Variants in DLGAP2 observed in about 807,000 individuals in gnomAD.
The protein encoded by DLGAP2 is disks large-associated protein 2.
Under a neutral mutation model 100.3 loss-of-function variants are expected in DLGAP2, and 26 were observed. The ratio of observed to expected loss-of-function variants is 0.26; its 90% confidence interval spans 0.19 to 0.36. The LOEUF is 0.36. DLGAP2 is among the 10% of genes least tolerant of loss of function. The probability of loss-of-function intolerance (pLI) is 1.00; values close to 1 mark genes in which losing one functional copy is unlikely to be tolerated. For synonymous variants in DLGAP2, 886 were observed against 630.1 expected (o/e 1.41, Z -6.08); for missense variants, 1,858 against 1,453.2 (o/e 1.28, Z -4.53).
intron 2 of DLGAP2, among the ~76,000 whole-genome samples, chr8:941,048 G>A (rs1329014250): frequency 6.6e-6 from 1 of 152,164 alleles, no homozygotes; most frequent in Non-Finnish European, 1.5e-5. Context: ...CCAGAAGCAC[G>A]GTACAGAGCT....
chr8:799,358 G>C (rs1796101007), intron 1 of DLGAP2, among the ~76,000 whole-genome samples: 2 of 152,082 alleles, frequency 1.3e-5, no homozygotes, highest in South Asian at 4.2e-4. Context: ...GCGGGAGGGG[G>C]TTGAATAATT....
At chr8:1,570,248 G>C (rs1249587196) in intron 6 of DLGAP2, among the ~76,000 whole-genome samples, 2 of 152,240 alleles carry the variant, frequency 1.3e-5, no homozygotes, top group East Asian at 3.9e-4. Context: ...CCAGGGTCAT[G>C]TTAACTGTGC....
At chr8:1,498,876 C>T (rs1438155202) in intron 3 of DLGAP2, among the ~76,000 whole-genome samples, 1 of 152,176 alleles carries the variant, frequency 6.6e-6, no homozygotes, top group Non-Finnish European at 1.5e-5. Context: ...GTTATACTGA[C>T]ACACATGCTG....
intron 2 of DLGAP2, among the ~76,000 whole-genome samples, chr8:1,218,298 C>G (rs192441555): frequency 4.5e-4 from 69 of 152,318 alleles, no homozygotes; most frequent in Non-Finnish European, 5.4e-4. Context: ...TTTCAATCTT[C>G]TGCATATGGG....
intron 1 of DLGAP2, among the ~76,000 whole-genome samples, chr8:802,216 A>G (rs113580932): frequency 0.14 from 3,555 of 25,294 alleles, 142 homozygotes; most frequent in African/African-American, 0.29. Flanking sequence ...TGGGCCCTCC[A>G]TCCTCATGGC....
At chr8:1,292,829 T>C (rs892287024) in intron 3 of DLGAP2, among the ~76,000 whole-genome samples, 1 of 152,060 alleles carries the variant, frequency 6.6e-6, no homozygotes, top group African/African-American at 2.4e-5. Context: ...TTCATTTCAC[T>C]CCTGCTCATC....
intron 3 of DLGAP2, among the ~76,000 whole-genome samples, chr8:1,364,357 T>C (rs1272950582): frequency 3.9e-5 from 6 of 152,070 alleles, no homozygotes; most frequent in African/African-American, 2.4e-5. Context: ...CTCGTGATCG[T>C]CAAGGGCTGC....
intron 2 of DLGAP2, among the ~76,000 whole-genome samples, chr8:984,501 C>G (rs949006201): frequency 6.6e-6 from 1 of 152,314 alleles, no homozygotes; most frequent in African/African-American, 2.4e-5. Flanking sequence ...GGATGGTCAG[C>G]TTGGCCCACG....
chr8:1,106,553 A>G (rs985054205), intron 2 of DLGAP2, among the ~76,000 whole-genome samples: 2 of 149,708 alleles, frequency 1.3e-5, no homozygotes, highest in African/African-American at 2.5e-5. Flanking sequence ...CCATTCTAGG[A>G]GGGTTTTCTA....
chr8:1,359,474 G>T (rs1801928529), intron 3 of DLGAP2, among the ~76,000 whole-genome samples: 1 of 152,260 alleles, frequency 6.6e-6, no homozygotes, highest in African/African-American at 2.4e-5. Context: ...GACACGGGTG[G>T]TGCAGAGCTG....
chr8:1,218,513 A>T (rs1798256004), intron 2 of DLGAP2, among the ~76,000 whole-genome samples: 1 of 148,676 alleles, frequency 6.7e-6, no homozygotes, highest in Admixed American at 6.7e-5. Flanking sequence ...TTTTACCAGT[A>T]CCATGTTGTT....
intron 1 of DLGAP2, among the ~76,000 whole-genome samples, chr8:799,319 C>G (rs1244432854): frequency 1.3e-5 from 2 of 152,038 alleles, no homozygotes; most frequent in African/African-American, 4.8e-5. Context: ...TACAGTTGCG[C>G]TTGTCTCGTG....
intron 2 of DLGAP2, among the ~76,000 whole-genome samples, chr8:1,244,001 C>A (rs1373955714): frequency 2.0e-5 from 3 of 151,908 alleles, no homozygotes; most frequent in African/African-American, 7.3e-5. Context: ...GTGCCAGCTC[C>A]CAGCCTCTGC....
intron 1 of DLGAP2, among the ~76,000 whole-genome samples, chr8:822,574 G>A (rs766022420): frequency 5.3e-5 from 8 of 152,244 alleles, no homozygotes; most frequent in Non-Finnish European, 8.8e-5. Context: ...ACGTCACTGC[G>A]TGTGCTCCGA....
intron 2 of DLGAP2, among the ~76,000 whole-genome samples, chr8:981,546 C>T (rs921580349): frequency 1.6e-4 from 24 of 152,194 alleles, no homozygotes; most frequent in African/African-American, 4.6e-4. Context: ...TTACCAGCAG[C>T]GTACGAGGGT....
intron 4 of DLGAP2, 39 bp from the exon 5 acceptor site, chr8:1,548,587 C>A: frequency 6.9e-7 from 1 of 1,441,744 alleles, no homozygotes. Context: ...GTTTCCGCCG[C>A]GCTTCCGGGT....
intron 3 of DLGAP2, among the ~76,000 whole-genome samples, chr8:1,449,949 G>T: frequency 8.1e-6 from 1 of 122,774 alleles, no homozygotes; most frequent in East Asian, 2.5e-4. Flanking sequence ...GAGCTGTGAG[G>T]GTGAAGACGA....
chr8:1,074,370 A>G (rs1803536846), intron 2 of DLGAP2, among the ~76,000 whole-genome samples: 1 of 152,242 alleles, frequency 6.6e-6, no homozygotes, highest in South Asian at 2.1e-4. Flanking sequence ...ATTCACTGTC[A>G]CAGAAGGGTT....
chr8:1,639,470 C>T (rs144951229), intron 8 of DLGAP2, among the ~76,000 whole-genome samples: 18 of 152,314 alleles, frequency 1.2e-4, no homozygotes, highest in African/African-American at 3.6e-4. Context: ...GTGCCACCCC[C>T]GACCCAGGGT....
Sources: gnomAD v4.1 joint callset for allele counts (sites outside exome capture counted in the v4.1 genomes callset) on GRCh38, gnomAD v4.1.1 for gene constraint, MANE v1.5 for transcripts, NCBI Gene and HGNC (gene_info 2026-07-23, HGNC 2026-07-21) for gene names.